DTHD1: variants seen among roughly 807,000 people sequenced by gnomAD.
DTHD1 encodes the protein death domain containing 1.
A neutral mutation model predicts 74.8 loss-of-function variants in DTHD1; 59 were observed. The observed-to-expected ratio is 0.79, with a 90% CI of 0.64 to 0.98. The LOEUF is 0.98. DTHD1 is among the 50% of genes least tolerant of loss of function. The pLI is 0.00. For missense variants in DTHD1, 1,051 were observed against 1,065.4 expected (o/e 0.99, Z 0.19); for synonymous variants, 365 against 371.1 (o/e 0.98, Z 0.19).
At chr4:36,308,105 G>T (rs772415098) in intron 6 of DTHD1, 99 bp from the exon 7 acceptor site, 1 of 1,131,760 alleles carries the variant, frequency 8.8e-7, no homozygotes, top group African/African-American at 1.6e-5. Context: ...TTTAAAAGAC[G>T]TCTGTTTGAT....
chr4:36,314,328 C>G (rs1403987186), intron 7 of DTHD1, among the ~76,000 whole-genome samples: 3 of 152,012 alleles, frequency 2.0e-5, no homozygotes, highest in Admixed American at 6.6e-5. Flanking sequence ...TCTGGGCAGT[C>G]AACTGCATGC....
At chr4:36,333,755 GA>G (rs1310209165) in intron 8 of DTHD1, 1 of 152,574 alleles carries the variant, frequency 6.6e-6, no homozygotes, top group African/African-American at 2.4e-5. Context: ...TGCATGGGGA[GA>G]AGCTGCCGTG....
chr4:36,306,358 AC>A lies in DTHD1; in HGVS notation c.1805+8del, dbSNP rs748747712. 50 of 1,527,098 alleles carry A rather than the reference AC, an allele frequency of 3.3e-5. No individual in the cohort carries two copies. In the South Asian group the frequency reaches 6.0e-4, roughly 18 times the overall value. The allele number at this position is 1,527,098 out of a possible 1,614,324, so 94.6% of individuals were successfully genotyped here. ...TTGTATGAACATTTGGAGAGGTAAT[AC>A]CATCAAAAACAATCAAAGTTGATGA... On this transcript the variant is annotated splice_region_variant and intron_variant, in intron 6 of 9. Coordinates refer to ENST00000639862, the MANE Select transcript of DTHD1 (RefSeq NM_001170700.3).
At position 36,316,373 on chromosome 4, in the gene DTHD1, G is replaced by A. The variant is rs756754406; in HGVS notation, c.2227G>A (p.Val743Ile). The A allele has an allele frequency of 3.9e-6, 6 of 1,552,006 alleles. No individual in the cohort carries two copies. The African/African-American group carries it at 5.5e-5, about 14-fold the overall frequency. ...TTGCCCTCATTACAAAGGCACCATT[G>A]TCGTTTATAAAGTACCTAAAGGAAA... The part of the protein sequence containing the change: ...YSCPHYKGTI[V>I]VYKVPKGKIV... The change falls in exon 8 of 10, where the codon GTC (valine) becomes ATC (isoleucine). Residue 743 changes from valine to isoleucine, a missense_variant. Coordinates refer to ENST00000639862, the MANE Select transcript of DTHD1 (RefSeq NM_001170700.3).
At position 36,294,812 on chromosome 4, in the gene DTHD1, A is replaced by G; in HGVS notation, c.1416A>G (p.Pro472=). ...TTGTTTAGATCCAACCAGTTGACCCAGCTCTGGTGGCACATTTAAAAGCAC... is the reference window on the plus strand; with the variant it reads ...TTGTTTAGATCCAACCAGTTGACCCGGCTCTGGTGGCACATTTAAAAGCAC... ...LVQLKIQPVD[P]ALVAHLKAQQ... is the part of the protein sequence containing the mutation. The change falls in exon 5 of 10, where the codon CCA becomes CCG. Residue 472 remains proline, a synonymous_variant. Coordinates refer to ENST00000639862, the MANE Select transcript of DTHD1 (RefSeq NM_001170700.3). The G allele has an allele frequency of 6.5e-7, 1 of 1,547,218 alleles. No individual in the cohort carries two copies. Among genetic ancestry groups the G allele is most frequent in the Non-Finnish European group, 8.7e-7 (1 of 1,144,642 alleles).
At chr4:36,328,323 C>T (rs1440658794) in intron 8 of DTHD1, among the ~76,000 whole-genome samples, 1 of 152,140 alleles carries the variant, frequency 6.6e-6, no homozygotes, top group Non-Finnish European at 1.5e-5. Flanking sequence ...GAGGTACTTC[C>T]TTTTATTTTG....
At chr4:36,286,983 T>C (rs1038631247) in intron 2 of DTHD1, among the ~76,000 whole-genome samples, 5 of 152,204 alleles carry the variant, frequency 3.3e-5, no homozygotes, top group African/African-American at 1.2e-4. Context: ...TTTCTTATTT[T>C]TTTTTATTTC....
chr4:36,334,030 G>A (rs916687623), intron 8 of DTHD1: 1 of 152,132 alleles, frequency 6.6e-6, no homozygotes, highest in Non-Finnish European at 1.5e-5. Context: ...GTAAGGTGAA[G>A]CAATCTGAAG....
At chr4:36,339,656 T>G (rs1337442069) in intron 9 of DTHD1, among the ~76,000 whole-genome samples, 1 of 152,226 alleles carries the variant, frequency 6.6e-6, no homozygotes, top group Middle Eastern at 3.2e-3. Context: ...CAGGGTAGAA[T>G]TGGAAACTTT....
chr4:36,301,066 G>A (rs1449212605), intron 5 of DTHD1, among the ~76,000 whole-genome samples: 1 of 152,146 alleles, frequency 6.6e-6, no homozygotes, highest in African/African-American at 2.4e-5. Context: ...AAAATATTAA[G>A]GTGCATTGGA....
At chr4:36,310,113 T>C (rs541375297) in intron 7 of DTHD1, among the ~76,000 whole-genome samples, 37 of 152,342 alleles carry the variant, frequency 2.4e-4, no homozygotes, top group African/African-American at 8.9e-4. Flanking sequence ...GATGGGCACG[T>C]AAGTTGATTC....
At chr4:36,283,812 A>G in intron 1 of DTHD1, 164 bp from the exon 2 acceptor site, 1 of 600,138 alleles carries the variant, frequency 1.7e-6, no homozygotes, top group Non-Finnish European at 2.9e-6. Flanking sequence ...AAAGAGTGAC[A>G]GTTATACAAT....
intron 9 of DTHD1, among the ~76,000 whole-genome samples, chr4:36,340,437 T>C (rs1244976390): frequency 6.6e-6 from 1 of 151,992 alleles, no homozygotes; most frequent in South Asian, 2.1e-4. Context: ...GTAAAGCAAA[T>C]ATTTGAGATG....
chr4:36,338,519 T>C (rs1049141736), intron 8 of DTHD1, among the ~76,000 whole-genome samples: 1 of 151,666 alleles, frequency 6.6e-6, no homozygotes, highest in Admixed American at 6.6e-5. Context: ...ACTCAACCAC[T>C]GGCTAGGGAT....
At chr4:36,318,678 G>C (rs1020408196) in intron 8 of DTHD1, among the ~76,000 whole-genome samples, 5 of 143,774 alleles carry the variant, frequency 3.5e-5, no homozygotes, top group African/African-American at 5.2e-5. Context: ...GCAGTGGCGC[G>C]ATCTCGGCTC....
At chr4:36,322,989 A>T (rs1240122304) in intron 8 of DTHD1, among the ~76,000 whole-genome samples, 1 of 152,154 alleles carries the variant, frequency 6.6e-6, no homozygotes, top group Admixed American at 6.5e-5. Context: ...TATTTGTGCT[A>T]ACTTGGGTTG....
At chr4:36,338,655 G>T (rs1396304731) in intron 8 of DTHD1, among the ~76,000 whole-genome samples, 2 of 151,796 alleles carry the variant, frequency 1.3e-5, no homozygotes, top group Non-Finnish European at 2.9e-5. Context: ...CTTGATAAAA[G>T]GTTGATTTTC....
At chr4:36,312,539 G>C (rs1172345513) in intron 7 of DTHD1, among the ~76,000 whole-genome samples, 1 of 151,462 alleles carries the variant, frequency 6.6e-6, no homozygotes, top group Non-Finnish European at 1.5e-5. Context: ...GGGTGTAGCA[G>C]GCTTGCAGTT....
intron 2 of DTHD1, among the ~76,000 whole-genome samples, 177 bp from the exon 3 acceptor site, chr4:36,290,196 A>G (rs1160132775): frequency 1.3e-5 from 2 of 152,176 alleles, no homozygotes; most frequent in Non-Finnish European, 2.9e-5. Context: ...TCACCATTTT[A>G]CCATTGAGGA....
Sources: allele counts gnomAD v4.1 joint callset (sites outside exome capture counted in the v4.1 genomes callset), GRCh38; gene constraint gnomAD v4.1.1; transcripts MANE v1.5; gene names NCBI Gene and HGNC (gene_info 2026-07-23, HGNC 2026-07-21).